Variants in RAD23A observed in about 807,000 individuals in gnomAD.
RAD23A encodes the protein RAD23 nucleotide excision repair protein A.
Under a neutral mutation model 44.8 loss-of-function variants are expected in RAD23A, and 16 were observed. The observed-to-expected ratio is 0.36, with a 90% CI of 0.24 to 0.54. The LOEUF is 0.54. Among genes scored for constraint, RAD23A ranks in the 20% least tolerant of loss-of-function variants. The pLI, the probability that RAD23A is intolerant of heterozygous loss-of-function variation, is 0.89. For missense variants in RAD23A, 380 were observed against 483.3 expected (o/e 0.79, Z 2.00); for synonymous variants, 217 against 202.9 (o/e 1.07, Z -0.59).
At chr19:12,946,084 G>GGGGGGGGGGGT in intron 1 of RAD23A, 64 bp downstream of exon 1, 1 of 512,146 alleles carries the variant, frequency 2.0e-6, no homozygotes, top group Non-Finnish European at 3.7e-6. Flanking sequence ...TGGGGGCGGG[G>GGGGGGGGGGGT]AGGCTAGAAT....
At chr19:12,947,299 T>C (rs1971696193) in intron 1 of RAD23A, among the ~76,000 whole-genome samples, 1 of 152,178 alleles carries the variant, frequency 6.6e-6, no homozygotes, top group South Asian at 2.1e-4. Flanking sequence ...TGGTGGTGTG[T>C]ACCTTTAGTC....
rs1168205750 is a variant in RAD23A, at chr19:12,948,232, C to T, written c.290C>T (p.Pro97Leu). The T allele has an allele frequency of 1.2e-6, 2 of 1,613,974 alleles. No homozygotes were observed. The highest frequency in any genetic ancestry group is 1.7e-6 in the Non-Finnish European group (2 of 1,180,008). ...CCAGAGGCCTCACCCACAGCTGCCC[C>T]AGAGTCCTCTACATCCTTCCCGCCT... ...APPEASPTAA[P>L]ESSTSFPPAP... is the part of the protein sequence containing the mutation. Residue 97 changes from proline to leucine, a missense_variant, in exon 3 of 9, where the codon CCA (proline) becomes CTA (leucine). Pro to Leu is a moderately conservative substitution (Grantham distance 98, BLOSUM62 -3). Transcript: ENST00000586534. The surrounding 1 kb of genome is among the most constrained non-coding windows in gnomAD (Gnocchi z 5.5).
rs776710508 is a variant in RAD23A, at chr19:12,948,597, C to A, written c.472+45C>A. ...GGCAGAGGTGACTGGGTGCCCCAGC[C>A]ATCAGCTGGGCCTTGTCTGGGTGCG... On this transcript the variant is annotated intron_variant, in intron 4 of 8. Coordinates refer to ENST00000586534, the MANE Select transcript of RAD23A (RefSeq NM_005053.4). The surrounding 1 kb of genome is among the most constrained non-coding windows in gnomAD (Gnocchi z 5.5). The A allele has an allele frequency of 1.3e-6, 2 of 1,574,164 alleles. No homozygotes were observed. Among genetic ancestry groups the A allele is most frequent in the Non-Finnish European group, 1.7e-6 (2 of 1,159,652 alleles).
rs1568451673 is a variant in RAD23A, at chr19:12,945,978, G to A, written c.30G>A (p.Leu10=). 22 of 1,588,932 alleles carry A rather than the reference G, an allele frequency of 1.4e-5. No homozygotes were observed. Among genetic ancestry groups the A allele is most frequent in the Non-Finnish European group, 1.9e-5 (22 of 1,166,268 alleles). MAVTITLKT[L]QQQTFKIRME... ...CCGTCACCATCACGCTCAAAACGCT[G>A]CAGCAGCAGACCTTCAAGATCCGCA... Residue 10 remains leucine (L), a synonymous_variant, in exon 1 of 9, where the codon CTG becomes CTA. Transcript: ENST00000586534.
chr19:12,946,119 G>T, intron 1 of RAD23A, 99 bp downstream of exon 1: 3 of 1,211,416 alleles, frequency 2.5e-6, no homozygotes, highest in Non-Finnish European at 3.4e-6. Flanking sequence ...CAGGGAGGAC[G>T]GCGCGGGTCG....
Position 12,949,403 on chromosome 19 carries a change from T to C in RAD23A, c.808T>C (p.Leu270=). The part of the protein sequence containing the change: ...QQLGQENPQL[L]QQISRHQEQF... ...GCTGGGCCAGGAGAACCCTCAGCTT[T>C]TACAGGTGTGGTCCCAAGGGCAGAG... Residue 270 remains leucine, a synonymous_variant, in exon 7 of 9, where the codon TTA becomes CTA. Coordinates refer to ENST00000586534, the MANE Select transcript of RAD23A (RefSeq NM_005053.4). 1 of 1,613,274 alleles carries C rather than the reference T, an allele frequency of 6.2e-7. No homozygotes were observed. Among genetic ancestry groups the C allele is most frequent in the Non-Finnish European group, 8.5e-7 (1 of 1,179,326 alleles).
intron 1 of RAD23A, among the ~76,000 whole-genome samples, chr19:12,947,100 C>G (rs1971691913): frequency 6.6e-6 from 1 of 152,124 alleles, no homozygotes; most frequent in Non-Finnish European, 1.5e-5. Context: ...TCATAGGAAA[C>G]TTAAAAGGTA....
chr19:12,951,646 A>G (rs569508947), intron 7 of RAD23A, among the ~76,000 whole-genome samples: 3 of 152,178 alleles, frequency 2.0e-5, no homozygotes, highest in South Asian at 2.1e-4. Flanking sequence ...GGATTTCTCC[A>G]TGTTGGTCAG....
chr19:12,951,155 G>C (rs1257994656), intron 7 of RAD23A, among the ~76,000 whole-genome samples: 1 of 152,218 alleles, frequency 6.6e-6, no homozygotes, highest in Non-Finnish European at 1.5e-5. Context: ...GGGGCTGGTA[G>C]GTGGGAATAG....
intron 7 of RAD23A, among the ~76,000 whole-genome samples, chr19:12,949,980 T>C (rs1599669101): frequency 6.6e-6 from 1 of 151,984 alleles, no homozygotes; most frequent in African/African-American, 2.4e-5. Flanking sequence ...CTCTCACTTC[T>C]CAGTCCCTTG....
chr19:12,948,018 CGT>C lies in RAD23A; in HGVS notation c.234+13_234+14del. ...TCGTCATGGTGACCAAGGTGGGTGA[CGT>C]GTGCTGGCTGGGAGGGTGGGTGGAC... is the stretch of plus-strand genomic sequence containing the variant. On this transcript the variant is annotated intron_variant, in intron 2 of 8. Coordinates refer to ENST00000586534, the MANE Select transcript of RAD23A (RefSeq NM_005053.4). The surrounding 1 kb of genome is among the most constrained non-coding windows in gnomAD (Gnocchi z 5.5). 6.2e-7 allele frequency: 1 copy of C among 1,612,546 alleles called. No homozygotes were observed. The highest frequency in any genetic ancestry group is 1.1e-5 in the South Asian group (1 of 91,042).
chr19:12,947,793 G>A, intron 1 of RAD23A, 55 bp from the exon 2 acceptor site: 1 of 1,581,630 alleles, frequency 6.3e-7, no homozygotes, highest in Non-Finnish European at 8.6e-7. Context: ...TCCTAAACTA[G>A]AAGGGAAAAG....
At position 12,949,061 on chromosome 19, in the gene RAD23A, C is replaced by A. The variant is rs749536025; in HGVS notation, c.601-20C>A. 12 of 1,606,168 alleles carry A rather than the reference C, an allele frequency of 7.5e-6. No homozygotes were observed. The highest frequency in any genetic ancestry group is 1.3e-5 in the African/African-American group (1 of 74,840). ...GCAGCAGGAGGTCTGTGCATTAGAA[C>A]TAAACAGGACCCCTGACAGGGAATT... is the stretch of plus-strand genomic sequence containing the variant. On this transcript the variant is annotated intron_variant, in intron 5 of 8. Coordinates refer to ENST00000586534, the MANE Select transcript of RAD23A (RefSeq NM_005053.4).
rs1054140107 is a variant in RAD23A at position 12,952,359 on chromosome 19, T to G, written c.814-330T>G. On this transcript the variant is annotated intron_variant, in intron 7 of 8. Transcript: ENST00000586534. Reference sequence around the variant, plus strand: ...GGCGTCTGCCACCACACCTGGCTACTTTTTGTATTCTTAGTAGAGATGGGG... The same window carrying G: ...GGCGTCTGCCACCACACCTGGCTACGTTTTGTATTCTTAGTAGAGATGGGG... 4.3e-5 allele frequency: 9 copies of G among 209,696 alleles called. No homozygotes were observed. In the South Asian group the frequency reaches 4.6e-4, roughly 11 times the overall value. 13.0% of individuals were successfully genotyped at this position (209,696 alleles called of 1,614,324 possible). A position where few individuals can be genotyped will look rare whatever the true frequency, so the allele number is the denominator to read the frequency against.
At chr19:12,947,780 C>G in intron 1 of RAD23A, 68 bp from the exon 2 acceptor site, 1 of 1,530,406 alleles carries the variant, frequency 6.5e-7, no homozygotes, top group Non-Finnish European at 8.9e-7. Context: ...GGCAGTTTCT[C>G]TGTCCTAAAC....
At position 12,948,409 on chromosome 19, in the gene RAD23A, C is replaced by T; in HGVS notation, c.416+51C>T. ...TTGGGCCCTGTCCTCCTAGCACATT[C>T]CAGCGTCCACATAAGTGGTCCCACA... On this transcript the variant is annotated intron_variant, in intron 3 of 8. Transcript: ENST00000586534. The surrounding 1 kb of genome is among the most constrained non-coding windows in gnomAD (Gnocchi z 5.5). 6.5e-7 allele frequency: 1 copy of T among 1,545,812 alleles called. No individual in the cohort carries two copies. Among genetic ancestry groups the T allele is most frequent in the South Asian group, 1.2e-5 (1 of 80,878 alleles).
At chr19:12,952,025 T>C (rs1971825998) in intron 7 of RAD23A, among the ~76,000 whole-genome samples, 1 of 151,614 alleles carries the variant, frequency 6.6e-6, no homozygotes, top group African/African-American at 2.4e-5. Context: ...TGTGTTCAAG[T>C]GATTCTCCTA....
In RAD23A at chr19:12,952,793, G is replaced by A; in HGVS notation, c.918G>A (p.Glu306=). The change falls in exon 8 of 9, where the codon GAG becomes GAA. Residue 306 remains glutamate, a synonymous_variant. Transcript: ENST00000586534. ...DVEGEVGAIG[E]EAPQMNYIQV... is the part of the protein sequence containing the mutation. ...AGGGGGAGGTGGGCGCCATAGGAGA[G>A]GAGGCCCCGCAGATGAACTACATCC... is the stretch of plus-strand genomic sequence containing the variant. 6.2e-7 allele frequency: 1 copy of A among 1,607,536 alleles called. No homozygotes were observed. Among genetic ancestry groups the A allele is most frequent in the African/African-American group, 1.4e-5 (1 of 73,568 alleles).
In RAD23A at chr19:12,948,418, A is replaced by C; in HGVS notation, c.416+60A>C. ...GTCCTCCTAGCACATTCCAGCGTCCACATAAGTGGTCCCACACACCTGGAG... is the reference window on the plus strand; with the variant it reads ...GTCCTCCTAGCACATTCCAGCGTCCCCATAAGTGGTCCCACACACCTGGAG... On this transcript the variant is annotated intron_variant, in intron 3 of 8. Coordinates refer to ENST00000586534, the MANE Select transcript of RAD23A (RefSeq NM_005053.4). The surrounding 1 kb of genome is among the most constrained non-coding windows in gnomAD (Gnocchi z 5.5). The C allele has an allele frequency of 6.5e-7, 1 of 1,544,660 alleles. No homozygotes were observed. The highest frequency in any genetic ancestry group is 2.0e-5 in the Admixed American group (1 of 50,326).
Sources: gnomAD v4.1 joint callset for allele counts (sites outside exome capture counted in the v4.1 genomes callset) on GRCh38, gnomAD v4.1.1 for gene constraint, Gnocchi (gnomAD v3.1) non-coding constraint, MANE v1.5 for transcripts, NCBI Gene and HGNC (gene_info 2026-07-23, HGNC 2026-07-21) for gene names.